Variants in ASCC3 observed in about 807,000 individuals in gnomAD.
ASCC3 encodes ASC-1 complex subunit P200.
Under a neutral mutation model 256.3 loss-of-function variants are expected in ASCC3, and 158 were observed. That is an observed-to-expected ratio of 0.62 (90% CI 0.54 to 0.70). The LOEUF (loss-of-function observed/expected upper bound fraction) is 0.70, where lower values mean the gene tolerates loss of function less well. Ranked by LOEUF, ASCC3 falls within the 30% of genes least tolerant of loss-of-function variation. The pLI is 0.00. For missense variants in ASCC3, 2,259 were observed against 2,626.0 expected, an observed-to-expected ratio of 0.86 and a Z score of 3.05; for synonymous variants, 948 against 883.4, an observed-to-expected ratio of 1.07 and a Z score of -1.30.
intron 26 of ASCC3, among the ~76,000 whole-genome samples, chr6:100,629,795 G>T (rs1421716448): frequency 6.6e-6 from 1 of 152,016 alleles, no homozygotes; most frequent in Non-Finnish European, 1.5e-5. Context: ...AGAAGGAAAA[G>T]AAAAACCTAT....
rs72942945 is a variant in ASCC3 at position 100,716,389 on chromosome 6, T to C, written c.2080-856A>G. Among the ~76,000 whole-genome samples the C allele has an allele frequency of 8.5e-3, 1,292 of 151,982 alleles. 22 individuals carry two copies. The highest frequency in any genetic ancestry group is 0.043 in the South Asian group (208 of 4,826). On this transcript the variant is annotated intron_variant, in intron 12 of 41. Transcript: ENST00000369162. ...GGTGGCTAACCCAAAGGAGTAGGCA[T>C]GTGACCCAGCCTATTATCTCTCCAC... is the stretch of plus-strand genomic sequence containing the variant.
chr6:100,787,815 A>G (rs1769162578), intron 8 of ASCC3, among the ~76,000 whole-genome samples: 1 of 152,114 alleles, frequency 6.6e-6, no homozygotes, highest in Non-Finnish European at 1.5e-5. Context: ...ACATTTCACC[A>G]TATATAAAAA....
At chr6:100,731,175 A>G (rs1212794878) in intron 10 of ASCC3, among the ~76,000 whole-genome samples, 1 of 152,222 alleles carries the variant, frequency 6.6e-6, no homozygotes. Flanking sequence ...AGAGCAGGAA[A>G]TGCTGGGAAT....
At chr6:100,603,990 G>A (rs1772756872) in intron 33 of ASCC3, among the ~76,000 whole-genome samples, 1 of 152,056 alleles carries the variant, frequency 6.6e-6, no homozygotes, top group Non-Finnish European at 1.5e-5. Context: ...ACTAGGAGGA[G>A]ATTGTGTACG....
At chr6:100,760,043 G>T (rs1781356751) in intron 10 of ASCC3, among the ~76,000 whole-genome samples, 1 of 152,082 alleles carries the variant, frequency 6.6e-6, no homozygotes, top group Non-Finnish European at 1.5e-5. Context: ...TTAGTTTAAG[G>T]AGTTTTGGGG....
At chr6:100,834,205 G>A (rs1025302900) in intron 4 of ASCC3, among the ~76,000 whole-genome samples, 10 of 152,128 alleles carry the variant, frequency 6.6e-5, no homozygotes, top group Non-Finnish European at 1.2e-4. Context: ...TCATTAGGTC[G>A]TAAAATATAA....
intron 39 of ASCC3, among the ~76,000 whole-genome samples, chr6:100,515,107 T>C (rs1254149894): frequency 2.6e-5 from 4 of 152,230 alleles, no homozygotes; most frequent in African/African-American, 9.6e-5. Context: ...CTGAACTAAT[T>C]ATAACAATGT....
intron 37 of ASCC3, chr6:100,530,275 C>T (rs1481317326): frequency 2.3e-6 from 3 of 1,330,738 alleles, no homozygotes; most frequent in African/African-American, 2.9e-5. Flanking sequence ...AGGACACCAA[C>T]ATGAACAAGT....
In ASCC3 at chr6:100,540,175, G is replaced by A; in HGVS notation, c.5763C>T (p.Leu1921=). Residue 1921 remains leucine, a synonymous_variant, in exon 37 of 42, where the codon CTC becomes CTT. Coordinates refer to ENST00000369162, the MANE Select transcript of ASCC3 (RefSeq NM_006828.4). ...TDTKTVLDQA[L]RVCQAMLDVA... ...ATGACTTTCATACCTGACATACTCT[G>A]AGAGCTTGGTCCAAGACTGTTTTGG... is the stretch of plus-strand genomic sequence containing the variant. 1 of 1,613,552 alleles carries A rather than the reference G, an allele frequency of 6.2e-7. No individual in the cohort carries two copies. Among genetic ancestry groups the A allele is most frequent in the South Asian group, 1.1e-5 (1 of 91,076 alleles).
intron 13 of ASCC3, among the ~76,000 whole-genome samples, chr6:100,686,017 C>T (rs1777550760): frequency 6.6e-6 from 1 of 152,156 alleles, no homozygotes; most frequent in African/African-American, 2.4e-5. Flanking sequence ...GAGCAAAGAG[C>T]CTGGCATACA....
At chr6:100,579,267 A>T (rs1771060484) in intron 36 of ASCC3, among the ~76,000 whole-genome samples, 1 of 151,324 alleles carries the variant, frequency 6.6e-6, no homozygotes, top group African/African-American at 2.4e-5. Flanking sequence ...AATAGTTTGC[A>T]AATATTTTCT....
chr6:100,829,308 C>T (rs1193112839), intron 4 of ASCC3, among the ~76,000 whole-genome samples: 2 of 152,106 alleles, frequency 1.3e-5, no homozygotes, highest in Non-Finnish European at 2.9e-5. Flanking sequence ...AGGCTCCGGC[C>T]GCACAGGAAC....
At chr6:100,538,947 C>T (rs1775301322) in intron 37 of ASCC3, among the ~76,000 whole-genome samples, 2 of 151,966 alleles carry the variant, frequency 1.3e-5, no homozygotes, top group South Asian at 4.1e-4. Context: ...TTTAGGTATT[C>T]TTCCCCCACC....
chr6:100,517,825 A>C (rs1774108488), intron 38 of ASCC3, among the ~76,000 whole-genome samples, 166 bp downstream of exon 38: 1 of 152,164 alleles, frequency 6.6e-6, no homozygotes, highest in African/African-American at 2.4e-5. Flanking sequence ...CAAATTCCAA[A>C]CAAGAATGTT....
chr6:100,814,646 A>G (rs1282475521), intron 4 of ASCC3, among the ~76,000 whole-genome samples: 1 of 152,052 alleles, frequency 6.6e-6, no homozygotes, highest in Non-Finnish European at 1.5e-5. Flanking sequence ...CTAGGGAATC[A>G]ATGTCTTCCT....
In ASCC3 at chr6:100,606,105, A is replaced by G. The variant is rs116174116; in HGVS notation, c.5045-405T>C. On this transcript the variant is annotated intron_variant, in intron 32 of 41. Transcript: ENST00000369162. Reference sequence around the variant, plus strand: ...CATTTGATTATTTTCCCCGTGAATAATGAACCCATTTAGGCCTTGTCCTCC... The same window carrying G: ...CATTTGATTATTTTCCCCGTGAATAGTGAACCCATTTAGGCCTTGTCCTCC... Among the ~76,000 whole-genome samples, 921 of 152,104 alleles carry G rather than the reference A, an allele frequency of 6.1e-3. 13 individuals carry two copies. The highest frequency in any genetic ancestry group is 0.021 in the African/African-American group (869 of 41,540).
At chr6:100,625,373 T>C in intron 29 of ASCC3, 39 bp from the exon 30 acceptor site, 1 of 1,604,040 alleles carries the variant, frequency 6.2e-7, no homozygotes, top group South Asian at 1.1e-5. Context: ...GAAAGATACT[T>C]AACCCCAGAA....
intron 5 of ASCC3, among the ~76,000 whole-genome samples, chr6:100,801,169 G>GA (rs1349989745): frequency 1.3e-5 from 2 of 151,930 alleles, no homozygotes; most frequent in African/African-American, 2.4e-5. Context: ...TCAATATTGA[G>GA]AAAAAAATGT....
At chr6:100,679,529 G>T in intron 14 of ASCC3, 89 bp downstream of exon 14, 1 of 1,577,236 alleles carries the variant, frequency 6.3e-7, no homozygotes, top group South Asian at 1.1e-5. Context: ...TAACTTCTTG[G>T]AAATTGAGAC....
Sources: gnomAD v4.1 joint callset for allele counts (sites outside exome capture counted in the v4.1 genomes callset) on GRCh38, gnomAD v4.1.1 for gene constraint, MANE v1.5 for transcripts, NCBI Gene and HGNC (gene_info 2026-07-23, HGNC 2026-07-21) for gene names.